The following ELAVL4 variants were observed in gnomAD, a reference collection of about 807,000 sequenced individuals.
ELAVL4 encodes the protein ELAV like RNA binding protein 4, also known as ELAV-like protein 4.
A neutral mutation model predicts 35.6 loss-of-function variants in ELAVL4; 1 was observed. The observed-to-expected ratio is 0.03, with a 90% CI of 0.01 to 0.13. The LOEUF (loss-of-function observed/expected upper bound fraction) is 0.13. Ranked by LOEUF, ELAVL4 falls within the 10% of genes least tolerant of loss-of-function variation. ELAVL4 has a pLI of 1.00. For synonymous variants in ELAVL4, 156 were observed against 171.0 expected (o/e 0.91, Z 0.69); for missense variants, 267 against 464.9 (o/e 0.57, Z 3.91).
chr1:50,064,771 A>C (rs1380961356), intron 1 of ELAVL4, among the ~76,000 whole-genome samples: 1 of 152,094 alleles, frequency 6.6e-6, no homozygotes, highest in Non-Finnish European at 1.5e-5. Context: ...TCCACTTTGA[A>C]CTCTGGAATC....
chr1:50,165,457 T>A (rs907787724), intron 2 of ELAVL4, among the ~76,000 whole-genome samples: 10 of 148,964 alleles, frequency 6.7e-5, no homozygotes, highest in African/African-American at 2.5e-4. Flanking sequence ...TAGATATAGA[T>A]ACACACACAC....
chr1:50,187,066 G>T (rs1482938466), intron 3 of ELAVL4, among the ~76,000 whole-genome samples: 1 of 152,174 alleles, frequency 6.6e-6, no homozygotes, highest in Non-Finnish European at 1.5e-5. Flanking sequence ...AGAAGGCCCT[G>T]GCAGCATCAG....
chr1:50,080,947 G>A (rs917035010), intron 1 of ELAVL4, among the ~76,000 whole-genome samples: 10 of 152,094 alleles, frequency 6.6e-5, no homozygotes, highest in Non-Finnish European at 1.2e-4. Flanking sequence ...GTCGATACTC[G>A]GTTATATGTA....
chr1:50,102,474 C>A (rs1265338576), upstream of ELAVL4, among the ~76,000 whole-genome samples: 1 of 151,774 alleles, frequency 6.6e-6, no homozygotes, highest in Non-Finnish European at 1.5e-5. Flanking sequence ...CCTCCTCCTC[C>A]CTTCTTTTTC....
At chr1:50,104,871 G>A (rs1053966217), upstream of ELAVL4, among the ~76,000 whole-genome samples, 14 of 152,172 alleles carry the variant, frequency 9.2e-5, no homozygotes, top group African/African-American at 3.1e-4. Flanking sequence ...TCTTGGCAGA[G>A]GAGCAGATTA....
Position 50,109,016 on chromosome 1 carries a change from C to CGCGG in ELAVL4, c.-174_-173insGCGG. The CGCGG allele has an allele frequency of 2.2e-6, 2 of 905,792 alleles. No individual in the cohort carries two copies. The highest frequency in any genetic ancestry group is 2.6e-6 in the Non-Finnish European group (2 of 761,406). 56.1% of individuals were successfully genotyped at this position (905,792 alleles called of 1,614,324 possible). ...CTCCTTTTCTTTTTTTTCTTTCTCT[C>CGCGG]CCCCGCCCACCCCCCCAAAAATAAT... On this transcript the variant is annotated 5_prime_UTR_variant, in exon 1 of 7. Coordinates refer to ENST00000371824, the MANE Select transcript of ELAVL4 (RefSeq NM_001144774.3).
intron 1 of ELAVL4, among the ~76,000 whole-genome samples, chr1:50,131,075 C>T (rs1026151394): frequency 3.3e-5 from 5 of 152,074 alleles, no homozygotes; most frequent in African/African-American, 1.2e-4. Context: ...ATTCAAAGGA[C>T]AAGCTTACCC....
chr1:50,159,147 C>T (rs1332481514), intron 2 of ELAVL4, among the ~76,000 whole-genome samples: 4 of 152,152 alleles, frequency 2.6e-5, no homozygotes, highest in South Asian at 2.1e-4. Flanking sequence ...CCAGATCCCC[C>T]ACCTTAAGTA....
chr1:50,074,978 C>G (rs1300586488), intron 1 of ELAVL4, among the ~76,000 whole-genome samples: 2 of 152,054 alleles, frequency 1.3e-5, no homozygotes, highest in African/African-American at 2.4e-5. Context: ...AAACATTTAT[C>G]TACAAATTAT....
chr1:50,071,028 T>C (rs1372260775), intron 1 of ELAVL4, among the ~76,000 whole-genome samples: 3 of 152,090 alleles, frequency 2.0e-5, no homozygotes, highest in Non-Finnish European at 4.4e-5. Context: ...ACTGGCTCCT[T>C]AGCGCCATCC....
intron 3 of ELAVL4, among the ~76,000 whole-genome samples, chr1:50,193,114 C>T (rs1270101636): frequency 2.0e-5 from 3 of 152,200 alleles, no homozygotes; most frequent in South Asian, 2.1e-4. Flanking sequence ...AAGTTAGAGG[C>T]GACTGGTCCT....
At chr1:50,118,970 G>T (rs1668454803) in intron 1 of ELAVL4, among the ~76,000 whole-genome samples, 1 of 137,364 alleles carries the variant, frequency 7.3e-6, no homozygotes, top group African/African-American at 2.7e-5. Context: ...GAGAGGGAGG[G>T]AGGGAGGGAG....
intron 1 of ELAVL4, among the ~76,000 whole-genome samples, chr1:50,112,906 G>A (rs1276301272): frequency 1.3e-5 from 2 of 152,008 alleles, no homozygotes; most frequent in East Asian, 3.9e-4. Flanking sequence ...TGAGAGGAAG[G>A]CCAGATTGTT....
upstream of ELAVL4, among the ~76,000 whole-genome samples, chr1:50,106,561 T>C (rs1390825201): frequency 1.3e-5 from 2 of 152,040 alleles, no homozygotes; most frequent in Non-Finnish European, 2.9e-5. Context: ...TGAGATAATA[T>C]ATTGAGAATC....
intron 1 of ELAVL4, among the ~76,000 whole-genome samples, chr1:50,097,107 C>A (rs1665751518): frequency 6.6e-6 from 1 of 152,114 alleles, no homozygotes; most frequent in Admixed American, 6.6e-5. Context: ...GTAGTCCCAG[C>A]TACTCAGGAG....
intron 1 of ELAVL4, among the ~76,000 whole-genome samples, chr1:50,063,765 C>G (rs370476576): frequency 6.6e-6 from 1 of 152,096 alleles, no homozygotes; most frequent in Non-Finnish European, 1.5e-5. Flanking sequence ...TTATTTCATT[C>G]TTTATCACAC....
rs141138142 is a variant in ELAVL4, at chr1:50,140,072, C to T, written c.10-4885C>T. Among the ~76,000 whole-genome samples, 531 of 152,242 alleles carry T rather than the reference C, an allele frequency of 3.5e-3. 7 individuals carry two copies. Among genetic ancestry groups the T allele is most frequent in the African/African-American group, 0.011 (467 of 41,542 alleles). Reference sequence around the variant, plus strand: ...AGTGCTTTGTACATCCATTAGAGTTCGAAGTCAACTGAACCTCCTCAATGA... The same window carrying T: ...AGTGCTTTGTACATCCATTAGAGTTTGAAGTCAACTGAACCTCCTCAATGA... On this transcript the variant is annotated intron_variant, in intron 1 of 6. Coordinates refer to ENST00000371824, the MANE Select transcript of ELAVL4 (RefSeq NM_001144774.3).
At chr1:50,176,249 T>C (rs935080985) in intron 2 of ELAVL4, among the ~76,000 whole-genome samples, 1 of 152,228 alleles carries the variant, frequency 6.6e-6, no homozygotes, top group African/African-American at 2.4e-5. Context: ...ATTTGCACTC[T>C]TAGCTTTGTG....
chr1:50,158,745 A>T (rs902664669), intron 2 of ELAVL4, among the ~76,000 whole-genome samples: 8 of 152,118 alleles, frequency 5.3e-5, no homozygotes, highest in African/African-American at 1.9e-4. Flanking sequence ...GAGACCTTAA[A>T]AGTACTCCAT....
Sources: gnomAD v4.1 joint callset for allele counts (sites outside exome capture counted in the v4.1 genomes callset) on GRCh38, gnomAD v4.1.1 for gene constraint, MANE v1.5 for transcripts, NCBI Gene and HGNC (gene_info 2026-07-23, HGNC 2026-07-21) for gene names.